SH3RF1: variants seen among roughly 807,000 people sequenced by gnomAD.
SH3RF1 encodes the protein E3 ubiquitin-protein ligase SH3RF1.
SH3RF1 carries 32 observed loss-of-function variants against 74.0 expected under a neutral mutation model. That is an observed-to-expected ratio of 0.43 (90% CI 0.33 to 0.58). The LOEUF is 0.58. SH3RF1 is among the 20% of genes least tolerant of loss of function. SH3RF1 has a pLI of 0.05. For synonymous variants in SH3RF1, 396 were observed against 439.6 expected (o/e 0.90, Z 1.24); for missense variants, 954 against 1,130.9 (o/e 0.84, Z 2.24).
intron 2 of SH3RF1, among the ~76,000 whole-genome samples, chr4:169,225,724 T>C (rs1042486386): frequency 7.9e-5 from 12 of 152,200 alleles, no homozygotes; most frequent in African/African-American, 2.9e-4. Context: ...ATAAAAGTGA[T>C]GGTAGCTTGA....
At chr4:169,124,027 A>G (rs1733485286) in intron 6 of SH3RF1, among the ~76,000 whole-genome samples, 2 of 152,210 alleles carry the variant, frequency 1.3e-5, no homozygotes, top group African/African-American at 4.8e-5. Context: ...GATAAAGATA[A>G]TCCTGGTCAC....
chr4:169,094,526 T>C lies in SH3RF1; in HGVS notation c.*1993A>G, dbSNP rs932987064. The C allele has an allele frequency of 6.6e-6, 1 of 152,154 alleles. No individual in the cohort carries two copies. The highest frequency in any genetic ancestry group is 2.1e-4 in the South Asian group (1 of 4,832). The allele number at this position is 152,154 out of a possible 1,614,324, so 9.4% of individuals were successfully genotyped here. On this transcript the variant is annotated 3_prime_UTR_variant, in exon 12 of 12. Transcript: ENST00000284637. The stretch of plus-strand genomic sequence containing the variant: ...TACTTCAATCACATAGCTTAAAATA[T>C]GGAGAAAAGACAGGTAAAAAAATTA...
At chr4:169,140,979 T>C (rs1034743898) in intron 4 of SH3RF1, among the ~76,000 whole-genome samples, 1 of 149,938 alleles carries the variant, frequency 6.7e-6, no homozygotes, top group African/African-American at 2.4e-5. Flanking sequence ...TTTTGTTTTT[T>C]CTTTTCTTTT....
chr4:169,246,426 G>A (rs969516524), intron 2 of SH3RF1, among the ~76,000 whole-genome samples: 1 of 152,130 alleles, frequency 6.6e-6, no homozygotes, highest in Non-Finnish European at 1.5e-5. Flanking sequence ...GTGCAACCCC[G>A]CTCATCTGTA....
At chr4:169,187,884 C>T (rs956211215) in intron 2 of SH3RF1, among the ~76,000 whole-genome samples, 12 of 152,034 alleles carry the variant, frequency 7.9e-5, no homozygotes, top group Non-Finnish European at 1.2e-4. Context: ...CAGATGGAAT[C>T]CGCAAAGTTA....
intron 2 of SH3RF1, among the ~76,000 whole-genome samples, chr4:169,253,068 T>G (rs1731131025): frequency 6.6e-6 from 1 of 152,124 alleles, no homozygotes; most frequent in Non-Finnish European, 1.5e-5. Context: ...CAAGGAAAAG[T>G]TTGGATCGCA....
At chr4:169,245,714 G>A (rs947900957) in intron 2 of SH3RF1, among the ~76,000 whole-genome samples, 2 of 152,146 alleles carry the variant, frequency 1.3e-5, no homozygotes, top group Non-Finnish European at 2.9e-5. Flanking sequence ...AGAAAAATCC[G>A]TATGGCGGTG....
chr4:169,260,198 C>G (rs1028545572), intron 2 of SH3RF1, among the ~76,000 whole-genome samples: 1 of 152,128 alleles, frequency 6.6e-6, no homozygotes, highest in Non-Finnish European at 1.5e-5. Flanking sequence ...ACATACTGCC[C>G]CTACTCACAT....
intron 6 of SH3RF1, among the ~76,000 whole-genome samples, chr4:169,124,301 C>G (rs1733489638): frequency 6.6e-6 from 1 of 152,044 alleles, no homozygotes; most frequent in African/African-American, 2.4e-5. Context: ...ACTAATTTGA[C>G]CTAAAAAGAA....
At chr4:169,182,823 A>G (rs1734534289) in intron 2 of SH3RF1, among the ~76,000 whole-genome samples, 1 of 152,210 alleles carries the variant, frequency 6.6e-6, no homozygotes, top group South Asian at 2.1e-4. Context: ...CAAAATAGAT[A>G]AGTTAGTAGG....
chr4:169,098,296 A>C (rs887985579), intron 11 of SH3RF1, among the ~76,000 whole-genome samples: 1 of 152,256 alleles, frequency 6.6e-6, no homozygotes, highest in African/African-American at 2.4e-5. Flanking sequence ...TCAAAGTCAG[A>C]AAATGAGTGT....
intron 2 of SH3RF1, among the ~76,000 whole-genome samples, chr4:169,207,936 G>A (rs1241675006): frequency 6.6e-6 from 1 of 152,082 alleles, no homozygotes; most frequent in African/African-American, 2.4e-5. Context: ...GTGTCAGTAG[G>A]GGTGGGGGGA....
chr4:169,110,198 AC>A (rs552616570), intron 10 of SH3RF1, among the ~76,000 whole-genome samples: 103 of 151,560 alleles, frequency 6.8e-4, no homozygotes, highest in African/African-American at 2.3e-3. Flanking sequence ...ACATAGCAAG[AC>A]CCCATCTCTA....
At chr4:169,128,392 C>A (rs1561031122) in intron 6 of SH3RF1, among the ~76,000 whole-genome samples, 1 of 152,142 alleles carries the variant, frequency 6.6e-6, no homozygotes, top group Admixed American at 6.6e-5. Context: ...GCTGTACTAT[C>A]AAGAAAGTTG....
In SH3RF1 at chr4:169,122,115, T is replaced by C; in HGVS notation, c.1331A>G (p.Gln444Arg). The change falls in exon 7 of 12, where the codon CAG (glutamine) becomes CGG (arginine). Residue 444 changes from glutamine to arginine, a missense_variant. This residue lies in a region of SH3RF1 where 854 missense variants were observed against 962.5 expected (regional missense o/e 0.89). Transcript: ENST00000284637. ...GCTCACTTACACACTGGGGCGAGTC[T>C]GCGGCCGTAAATGTGCAATCTGGTC... ...STDQIAHLRP[Q>R]TRPSVYVAIY... is the part of the protein sequence containing the mutation. 1.2e-6 allele frequency: 2 copies of C among 1,612,614 alleles called. No individual in the cohort carries two copies. Among genetic ancestry groups the C allele is most frequent in the Non-Finnish European group, 1.7e-6 (2 of 1,179,966 alleles).
chr4:169,254,501 T>A (rs931883705), intron 2 of SH3RF1, among the ~76,000 whole-genome samples: 5 of 152,222 alleles, frequency 3.3e-5, no homozygotes, highest in African/African-American at 1.2e-4. Flanking sequence ...TTTCAATTCC[T>A]GTTGATAGTG....
chr4:169,214,964 T>C (rs528186198), intron 2 of SH3RF1, among the ~76,000 whole-genome samples: 1 of 152,218 alleles, frequency 6.6e-6, no homozygotes, highest in South Asian at 2.1e-4. Flanking sequence ...TTCTTTGTCT[T>C]ATAACATTAG....
chr4:169,219,778 A>G (rs1730532810), intron 2 of SH3RF1, among the ~76,000 whole-genome samples: 1 of 152,196 alleles, frequency 6.6e-6, no homozygotes, highest in South Asian at 2.1e-4. Flanking sequence ...ATACTTCTTC[A>G]TTTTTATCCC....
At chr4:169,191,216 C>T (rs56117835) in intron 2 of SH3RF1, among the ~76,000 whole-genome samples, 17,075 of 150,370 alleles carry the variant, frequency 0.11, 992 homozygotes, top group Middle Eastern at 0.16. Context: ...AATTAATGTA[C>T]GCAGATCAGT....
Sources: allele counts gnomAD v4.1 joint callset (sites outside exome capture counted in the v4.1 genomes callset), GRCh38; gene constraint gnomAD v4.1.1; regional missense constraint gnomAD v4.1.1; transcripts MANE v1.5; gene names NCBI Gene and HGNC (gene_info 2026-07-23, HGNC 2026-07-21).